Variants in TMPRSS15 observed in about 807,000 individuals in gnomAD.
TMPRSS15 encodes transmembrane serine protease 15, also known as enteropeptidase.
In TMPRSS15, 128 loss-of-function variants were observed where a neutral mutation model predicts 125.3. That is an observed-to-expected ratio of 1.02 (90% confidence interval 0.89 to 1.18). The LOEUF (loss-of-function observed/expected upper bound fraction) is 1.18. TMPRSS15 is among the 50% of genes most tolerant of loss of function. The pLI is 0.00. For synonymous variants in TMPRSS15, 446 were observed against 423.2 expected (o/e 1.05, Z -0.66); for missense variants, 1,283 against 1,212.7 (o/e 1.06, Z -0.86).
intron 5 of TMPRSS15, among the ~76,000 whole-genome samples, chr21:18,376,849 T>C (rs762182403): frequency 1.5e-4 from 23 of 152,198 alleles, no homozygotes; most frequent in Admixed American, 3.3e-4. Context: ...ATAATCCTCA[T>C]GGACTTTGTA....
intron 1 of TMPRSS15, among the ~76,000 whole-genome samples, chr21:18,426,047 A>G (rs548701813): frequency 1.3e-5 from 2 of 152,296 alleles, no homozygotes; most frequent in South Asian, 4.1e-4. Flanking sequence ...GAACTCTTTT[A>G]TAGCCTGCAT....
chr21:18,269,888 T>G lies in TMPRSS15; in HGVS notation c.*81A>C. On this transcript the variant is annotated 3_prime_UTR_variant, in exon 25 of 25. Coordinates refer to ENST00000284885, the MANE Select transcript of TMPRSS15 (RefSeq NM_002772.3). ...ACCTTTGGTAACTTTTTAAAATTTT[T>G]GTACGAAACACTTAATTTCCATGCT... The G allele has an allele frequency of 5.2e-6, 8 of 1,551,406 alleles. No individual in the cohort carries two copies. Among genetic ancestry groups the G allele is most frequent in the Non-Finnish European group, 6.1e-6 (7 of 1,140,170 alleles).
At chr21:18,330,772 T>C (rs1211293395) in intron 14 of TMPRSS15, among the ~76,000 whole-genome samples, 2 of 152,152 alleles carry the variant, frequency 1.3e-5, no homozygotes, top group Admixed American at 1.3e-4. Context: ...GTTCAAATGA[T>C]GTTTAAAAGA....
intron 1 of TMPRSS15, among the ~76,000 whole-genome samples, chr21:18,474,947 T>C (rs746320012): frequency 2.6e-5 from 4 of 152,158 alleles, no homozygotes; most frequent in African/African-American, 7.2e-5. Flanking sequence ...CACAGACATT[T>C]ACTTCATGTG....
At chr21:18,317,023 A>C (rs1397018676) in intron 16 of TMPRSS15, among the ~76,000 whole-genome samples, 3 of 152,208 alleles carry the variant, frequency 2.0e-5, no homozygotes, top group Non-Finnish European at 4.4e-5. Context: ...TGATAAAAAT[A>C]AGAAACAGGG....
At chr21:18,321,595 C>A (rs1196779939) in intron 16 of TMPRSS15, among the ~76,000 whole-genome samples, 1 of 152,100 alleles carries the variant, frequency 6.6e-6, no homozygotes, top group East Asian at 1.9e-4. Flanking sequence ...TCTCGATCCG[C>A]CCGCCTTGGC....
chr21:18,322,138 C>G (rs1369749841), intron 16 of TMPRSS15, among the ~76,000 whole-genome samples: 1 of 152,092 alleles, frequency 6.6e-6, no homozygotes, highest in Non-Finnish European at 1.5e-5. Flanking sequence ...GATCTTGAAT[C>G]AAAGTTGCTG....
chr21:18,472,877 A>T (rs1404252087), intron 1 of TMPRSS15, among the ~76,000 whole-genome samples: 1 of 152,130 alleles, frequency 6.6e-6, no homozygotes, highest in African/African-American at 2.4e-5. Context: ...GTAGGTAGTT[A>T]TTCCAATAAG....
chr21:18,417,960 A>G (rs1014002007), intron 1 of TMPRSS15, among the ~76,000 whole-genome samples: 2 of 152,214 alleles, frequency 1.3e-5, no homozygotes, highest in Non-Finnish European at 2.9e-5. Flanking sequence ...CTGTTTCACA[A>G]GGAATTTGTT....
At chr21:18,407,470 A>G (rs983801690), upstream of TMPRSS15, among the ~76,000 whole-genome samples, 5 of 128,890 alleles carry the variant, frequency 3.9e-5, no homozygotes, top group Non-Finnish European at 6.5e-5. Context: ...TTTTTTTGAG[A>G]CAGTCTCATT....
chr21:18,408,436 T>C (rs115374387), upstream of TMPRSS15, among the ~76,000 whole-genome samples: 911 of 152,262 alleles, frequency 6.0e-3, 14 homozygotes, highest in African/African-American at 0.02. Context: ...GTATTCTTCG[T>C]CAAAAATACT....
chr21:18,325,573 T>G (rs966786170), intron 16 of TMPRSS15, among the ~76,000 whole-genome samples: 1 of 152,068 alleles, frequency 6.6e-6, no homozygotes, highest in African/African-American at 2.4e-5. Context: ...TTTCTAGATA[T>G]TCAAGTGAAA....
At chr21:18,276,755 C>CTTTT (rs372920414) in intron 23 of TMPRSS15, among the ~76,000 whole-genome samples, 14 of 121,332 alleles carry the variant, frequency 1.2e-4, no homozygotes, top group Non-Finnish European at 1.8e-4. Flanking sequence ...AACTGGGATT[C>CTTTT]TTTTTTTTTT....
intron 1 of TMPRSS15, among the ~76,000 whole-genome samples, chr21:18,425,961 G>A (rs768230806): frequency 6.6e-5 from 10 of 152,124 alleles, no homozygotes; most frequent in African/African-American, 1.9e-4. Flanking sequence ...GCCAGGCTCT[G>A]TGCTATGAGT....
chr21:18,483,945 T>A (rs1979031566), intron 1 of TMPRSS15, among the ~76,000 whole-genome samples: 2 of 152,002 alleles, frequency 1.3e-5, no homozygotes, highest in South Asian at 4.1e-4. Context: ...GATTAACTGA[T>A]CTTGTTTAGT....
At chr21:18,344,081 A>C in intron 10 of TMPRSS15, 21 bp from the exon 11 acceptor site, 1 of 1,582,850 alleles carries the variant, frequency 6.3e-7, no homozygotes, top group South Asian at 1.1e-5. Flanking sequence ...ATCAAAAAAA[A>C]TTTATTTCAC....
intron 18 of TMPRSS15, 43 bp downstream of exon 18, chr21:18,312,902 G>A (rs1459542355): frequency 6.2e-7 from 1 of 1,608,812 alleles, no homozygotes; most frequent in South Asian, 1.1e-5. Context: ...GTAATAAAAA[G>A]GTTTGCAAAT....
chr21:18,452,054 G>A (rs867689658), intron 1 of TMPRSS15, among the ~76,000 whole-genome samples: 5 of 151,996 alleles, frequency 3.3e-5, no homozygotes, highest in South Asian at 2.1e-4. Context: ...AGCTACATCC[G>A]AATTTTTTGG....
chr21:18,345,761 A>AAAAAAAAAAAAAAAAAG (rs2075501861), intron 10 of TMPRSS15, among the ~76,000 whole-genome samples: 1 of 145,058 alleles, frequency 6.9e-6, no homozygotes, highest in African/African-American at 2.5e-5. Flanking sequence ...AAAAAAAAAA[A>AAAAAAAAAAAAAAAAAG]ATCCACTGAA....
Sources: gnomAD v4.1 joint callset for allele counts (sites outside exome capture counted in the v4.1 genomes callset) on GRCh38, gnomAD v4.1.1 for gene constraint, MANE v1.5 for transcripts, NCBI Gene and HGNC (gene_info 2026-07-23, HGNC 2026-07-21) for gene names.